ATAD2: variants seen among roughly 807,000 people sequenced by gnomAD.
The protein encoded by ATAD2 is ATPase family AAA domain containing 2.
Under a neutral mutation model 168.9 loss-of-function variants are expected in ATAD2, and 62 were observed. That is an observed-to-expected ratio of 0.37 (90% CI 0.30 to 0.45). The LOEUF is 0.45. ATAD2 is among the 20% of genes least tolerant of loss of function. ATAD2 has a pLI of 1.00. For synonymous variants in ATAD2, 613 were observed against 571.6 expected, an observed-to-expected ratio of 1.07 and a Z score of -1.03; for missense variants, 1,419 against 1,667.8, an observed-to-expected ratio of 0.85 and a Z score of 2.60.
At chr8:123,387,295 T>C (rs139861121) in intron 1 of ATAD2, among the ~76,000 whole-genome samples, 1,715 of 152,236 alleles carry the variant, frequency 0.011, 31 homozygotes, top group African/African-American at 0.038. Flanking sequence ...TTGCTGAATG[T>C]ATTATATTTA....
intron 20 of ATAD2, among the ~76,000 whole-genome samples, chr8:123,338,048 C>G (rs558367185): frequency 4.2e-5 from 6 of 142,774 alleles, no homozygotes; most frequent in African/African-American, 1.9e-4. Flanking sequence ...GTCATTACCT[C>G]TGTTCCTTTA....
chr8:123,334,497 C>G (rs1240148507), intron 22 of ATAD2, among the ~76,000 whole-genome samples, 175 bp from the exon 23 acceptor site: 1 of 151,972 alleles, frequency 6.6e-6, no homozygotes, highest in African/African-American at 2.4e-5. Flanking sequence ...ATCTAATGTT[C>G]TGGACATCTG....
intron 13 of ATAD2, among the ~76,000 whole-genome samples, chr8:123,349,729 C>T (rs1321061700): frequency 6.6e-6 from 1 of 151,672 alleles, no homozygotes; most frequent in Non-Finnish European, 1.5e-5. Flanking sequence ...AGTTCTCAAA[C>T]AATATATAAC....
chr8:123,385,846 T>C (rs1476789046), intron 1 of ATAD2, among the ~76,000 whole-genome samples: 1 of 151,910 alleles, frequency 6.6e-6, no homozygotes, highest in African/African-American at 2.4e-5. Context: ...AGAACTCCTT[T>C]GCAAAACAAG....
intron 8 of ATAD2, among the ~76,000 whole-genome samples, chr8:123,368,319 G>A (rs1453704146): frequency 1.3e-5 from 2 of 152,278 alleles, no homozygotes; most frequent in Middle Eastern, 6.8e-3. Flanking sequence ...TTGGGAGGCT[G>A]AAGCAGGAGA....
chr8:123,334,145 C>T, intron 23 of ATAD2, 55 bp downstream of exon 23: 1 of 1,543,222 alleles, frequency 6.5e-7, no homozygotes, highest in Non-Finnish European at 8.7e-7. Flanking sequence ...TTCATATATT[C>T]TGAAATTCAT....
At chr8:123,327,233 T>G (rs1827639669) in intron 25 of ATAD2, among the ~76,000 whole-genome samples, 1 of 152,140 alleles carries the variant, frequency 6.6e-6, no homozygotes, top group Non-Finnish European at 1.5e-5. Flanking sequence ...AGGATATACA[T>G]CTAATTGTTG....
At chr8:123,360,227 C>A (rs894601749) in intron 9 of ATAD2, among the ~76,000 whole-genome samples, 5 of 152,232 alleles carry the variant, frequency 3.3e-5, no homozygotes, top group African/African-American at 1.2e-4. Context: ...GTCTCCAGAG[C>A]TATAACAATT....
chr8:123,366,784 T>G (rs1051194626), intron 8 of ATAD2, among the ~76,000 whole-genome samples: 1 of 151,870 alleles, frequency 6.6e-6, no homozygotes, highest in East Asian at 1.9e-4. Context: ...TTGTGTTCAA[T>G]GTATACTGCT....
chr8:123,401,446 A>G, upstream of ATAD2: 1 of 1,457,362 alleles, frequency 6.9e-7, no homozygotes, highest in Non-Finnish European at 9.6e-7. Context: ...TACGTCAAAC[A>G]GAAGTACTCC....
In ATAD2 at chr8:123,347,241, GGT is replaced by G; in HGVS notation, c.2061_2062del (p.Pro688SerfsTer26). ...TGATGTCACAGCTCTTTGGGAGGCT[GGT>G]ATCATCTTTTGCATAGCTACCTCGA... On this transcript the variant is annotated frameshift_variant, in exon 16 of 28. Coordinates refer to ENST00000287394, the MANE Select transcript of ATAD2 (RefSeq NM_014109.4). LOFTEE classifies it high-confidence loss of function. 1 of 1,614,128 alleles carries G rather than the reference GGT, an allele frequency of 6.2e-7. No individual in the cohort carries two copies. The highest frequency in any genetic ancestry group is 8.5e-7 in the Non-Finnish European group (1 of 1,180,034).
chr8:123,334,358 C>G (rs763858711), intron 22 of ATAD2, 36 bp from the exon 23 acceptor site: 1 of 1,461,654 alleles, frequency 6.8e-7, no homozygotes, highest in East Asian at 2.4e-5. Context: ...TTTTAATTTC[C>G]CCCTTTTAAT....
chr8:123,375,930 A>AC lies in ATAD2; in HGVS notation c.321-3245dup, dbSNP rs780894920. 7.2e-5 allele frequency among the ~76,000 whole-genome samples: 11 copies of AC among 152,004 alleles called. No individual in the cohort carries two copies. The South Asian group carries it at 1.7e-3, about 23-fold the overall frequency. On this transcript the variant is annotated intron_variant, in intron 2 of 27. Coordinates refer to ENST00000287394, the MANE Select transcript of ATAD2 (RefSeq NM_014109.4). ...AGACCAGCCTGGCCAAGATGGTGAG[A>AC]CCCCGTCTCTACTAAAAGTACAAAA...
At chr8:123,330,853 G>T (rs921720400) in intron 24 of ATAD2, among the ~76,000 whole-genome samples, 78 of 152,146 alleles carry the variant, frequency 5.1e-4, no homozygotes, top group African/African-American at 1.9e-3. Context: ...CAGACAAAAG[G>T]TATTTCACAA....
At chr8:123,336,334 C>G in intron 22 of ATAD2, 39 bp downstream of exon 22, 1 of 1,536,306 alleles carries the variant, frequency 6.5e-7, no homozygotes, top group Non-Finnish European at 8.7e-7. Context: ...TAGCTGCCCC[C>G]CAACTCAACC....
intron 9 of ATAD2, 100 bp from the exon 10 acceptor site, chr8:123,359,785 T>G: frequency 1.2e-6 from 1 of 806,450 alleles, no homozygotes; most frequent in Non-Finnish European, 1.9e-6. Flanking sequence ...AAAAAAAATC[T>G]AAATTTCAAC....
In ATAD2 at chr8:123,333,790, CAAAT is replaced by C. The variant is rs1334162358; in HGVS notation, c.3478+84_3478+87del. 1.6e-5 allele frequency: 22 copies of C among 1,375,584 alleles called. No homozygotes were observed. In the South Asian group the frequency reaches 1.8e-4, roughly 11 times the overall value. The allele number at this position is 1,375,584 out of a possible 1,614,324, so 85.2% of individuals were successfully genotyped here. A position where few individuals can be genotyped will look rare whatever the true frequency, so the allele number is the denominator to read the frequency against. On this transcript the variant is annotated intron_variant, in intron 24 of 27. Transcript: ENST00000287394. Reference sequence around the variant, plus strand: ...ATCAATGTAATTCACTGCATTAACACAAATAAAGGAAAATAAGGGAGAAAGTTAA... The same window carrying C: ...ATCAATGTAATTCACTGCATTAACACAAAGGAAAATAAGGGAGAAAGTTAA...
intron 8 of ATAD2, 70 bp downstream of exon 8, chr8:123,368,988 A>T (rs890972729): frequency 3.6e-6 from 3 of 843,552 alleles, no homozygotes; most frequent in Admixed American, 2.4e-5. Flanking sequence ...CAATCCTGAA[A>T]GTCTAGAGTC....
At chr8:123,345,787 G>C (rs1586869408) in intron 18 of ATAD2, among the ~76,000 whole-genome samples, 1 of 152,164 alleles carries the variant, frequency 6.6e-6, no homozygotes, top group East Asian at 1.9e-4. Context: ...ACCATTTTAA[G>C]TACTTTACTC....
Sources: allele counts gnomAD v4.1 joint callset (sites outside exome capture counted in the v4.1 genomes callset), GRCh38; gene constraint gnomAD v4.1.1; transcripts MANE v1.5; gene names NCBI Gene and HGNC (gene_info 2026-07-23, HGNC 2026-07-21).